The following ARHGAP17 variants were observed in gnomAD, a reference collection of about 807,000 sequenced individuals.
The protein encoded by ARHGAP17 is Rho GTPase activating protein 17.
In ARHGAP17, 57 loss-of-function variants were observed where a neutral mutation model predicts 99.5. The ratio of observed to expected loss-of-function variants is 0.57; its 90% CI spans 0.46 to 0.71. The LOEUF is 0.71. ARHGAP17 is among the 30% of genes least tolerant of loss of function. The pLI, the probability that ARHGAP17 is intolerant of heterozygous loss-of-function variation, is 0.00. For missense variants in ARHGAP17, 1,000 were observed against 1,122.4 expected (o/e 0.89, Z 1.56); for synonymous variants, 417 against 429.6 (o/e 0.97, Z 0.36).
intron 19 of ARHGAP17, among the ~76,000 whole-genome samples, chr16:24,923,491 G>A (rs893003318): frequency 1.5e-4 from 23 of 152,082 alleles, no homozygotes; most frequent in African/African-American, 5.3e-4. Context: ...TAGGCTGGGC[G>A]TGGTGGGATG....
chr16:24,977,246 C>T lies in ARHGAP17; in HGVS notation c.167G>A (p.Gly56Asp), dbSNP rs1192333775. 4 of 1,594,724 alleles carry T rather than the reference C, an allele frequency of 2.5e-6. No homozygotes were observed. In the Admixed American group the frequency reaches 6.8e-5, roughly 27 times the overall value. ...SHKRLVACFQGQHGTDAERRH... is the reference protein window; with the variant it reads ...SHKRLVACFQDQHGTDAERRH... ...CCTCTCGGCATCGGTGCCATGCTGG[C>T]CCTGGAAACATGCCACCAAGCGCTT... The change falls in exon 3 of 20, where the codon GGC becomes GAC. Residue 56 changes from glycine (G) to aspartate (D), a missense_variant. Transcript: ENST00000289968.
At chr16:25,012,419 C>T (rs181400607) in intron 1 of ARHGAP17, among the ~76,000 whole-genome samples, 19 of 152,344 alleles carry the variant, frequency 1.2e-4, no homozygotes, top group Non-Finnish European at 2.1e-4. Context: ...AAGACACCAC[C>T]TAGAATTCCA....
intron 1 of ARHGAP17, among the ~76,000 whole-genome samples, chr16:25,001,257 T>A (rs990043121): frequency 6.7e-6 from 1 of 149,954 alleles, no homozygotes; most frequent in African/African-American, 2.5e-5. Flanking sequence ...TATTCTCAAT[T>A]TAAAAAACAA....
At chr16:25,003,131 A>G (rs1260765876) in intron 1 of ARHGAP17, among the ~76,000 whole-genome samples, 1 of 151,576 alleles carries the variant, frequency 6.6e-6, no homozygotes, top group African/African-American at 2.4e-5. Context: ...GTGAGAAATG[A>G]TACTTGATAT....
intron 1 of ARHGAP17, among the ~76,000 whole-genome samples, chr16:24,983,648 A>G (rs557308152): frequency 1.3e-5 from 2 of 152,154 alleles, no homozygotes; most frequent in South Asian, 4.1e-4. Flanking sequence ...CTTTTTGTAT[A>G]TGGGTTTTTT....
chr16:24,957,883 G>A (rs901188766), intron 9 of ARHGAP17, among the ~76,000 whole-genome samples: 1 of 152,200 alleles, frequency 6.6e-6, no homozygotes. Context: ...CAGAGTCCAC[G>A]GAGGTGAGGG....
chr16:24,934,482 C>A (rs1002758144), intron 18 of ARHGAP17, among the ~76,000 whole-genome samples: 2 of 151,760 alleles, frequency 1.3e-5, no homozygotes, highest in Admixed American at 1.3e-4. Flanking sequence ...GAGATGGGGT[C>A]TCACTCTGTT....
At chr16:24,972,032 T>C (rs1207894562) in intron 3 of ARHGAP17, among the ~76,000 whole-genome samples, 6 of 152,238 alleles carry the variant, frequency 3.9e-5, no homozygotes, top group East Asian at 1.9e-4. Context: ...CAGCATCCCA[T>C]GTAATTTCAC....
At chr16:24,957,653 T>G (rs1213490000) in intron 9 of ARHGAP17, 2 of 152,166 alleles carry the variant, frequency 1.3e-5, no homozygotes, top group Non-Finnish European at 2.9e-5. Flanking sequence ...AACTGCAGTA[T>G]GTTTTGCTCT....
intron 4 of ARHGAP17, 38 bp from the exon 5 acceptor site, chr16:24,968,810 A>T (rs1237419553): frequency 3.8e-6 from 6 of 1,593,724 alleles, no homozygotes; most frequent in Non-Finnish European, 5.2e-6. Flanking sequence ...GCACGTGCTC[A>T]TTAAATCAGG....
At chr16:24,931,529 G>A in intron 18 of ARHGAP17, 125 bp from the exon 19 acceptor site, 1 of 1,009,850 alleles carries the variant, frequency 9.9e-7, no homozygotes, top group Non-Finnish European at 1.3e-6. Context: ...TCTGATGAGA[G>A]GTGGTCAGGA....
chr16:24,959,721 T>C lies in ARHGAP17; in HGVS notation c.674A>G (p.Lys225Arg). ...LLEAQADYHR[K>R]ALAVLEKTLP... The stretch of plus-strand genomic sequence containing the variant: ...GGTCTTTTCTAAGACTGCTAATGCT[T>C]TTCTATGGTAATCTGCTTGGGCTTC... The change falls in exon 9 of 20, where the codon AAA (lysine) becomes AGA (arginine). Residue 225 changes from lysine to arginine, a missense_variant. Physicochemically the swap from Lys to Arg is conservative, Grantham distance 26. Coordinates refer to ENST00000289968, the MANE Select transcript of ARHGAP17 (RefSeq NM_001006634.3). 6.2e-7 allele frequency: 1 copy of C among 1,614,114 alleles called. No homozygotes were observed. Among genetic ancestry groups the C allele is most frequent in the Non-Finnish European group, 8.5e-7 (1 of 1,180,034 alleles).
At chr16:24,962,220 A>G (rs542034871) in intron 7 of ARHGAP17, among the ~76,000 whole-genome samples, 5 of 152,302 alleles carry the variant, frequency 3.3e-5, no homozygotes, top group Admixed American at 1.3e-4. Flanking sequence ...CTAAGCATCA[A>G]TGGAAGCTGG....
Position 24,968,604 on chromosome 16 carries a change from TCA to T in ARHGAP17, c.384+55_384+56del. On this transcript the variant is annotated intron_variant, in intron 5 of 19. Coordinates refer to ENST00000289968, the MANE Select transcript of ARHGAP17 (RefSeq NM_001006634.3). ...GCAACTACTGTTAAAATTTTAACACTCACTGTCCAGCCCACACCACTCTCGGC... is the reference window on the plus strand; with the variant it reads ...GCAACTACTGTTAAAATTTTAACACTCTGTCCAGCCCACACCACTCTCGGC... 4 of 1,582,434 alleles carry T rather than the reference TCA, an allele frequency of 2.5e-6. No individual in the cohort carries two copies. In the South Asian group the frequency reaches 4.4e-5, roughly 18 times the overall value.
chr16:24,984,244 TGTG>T (rs2052787802), intron 1 of ARHGAP17, among the ~76,000 whole-genome samples: 1 of 152,188 alleles, frequency 6.6e-6, no homozygotes, highest in Non-Finnish European at 1.5e-5. Context: ...CAATGCAGGC[TGTG>T]GTCTTCCAAA....
In ARHGAP17 at chr16:24,977,233, G is replaced by A. The variant is rs543817759; in HGVS notation, c.180C>T (p.Thr60=). 7.2e-5 allele frequency: 114 copies of A among 1,583,594 alleles called. 1 individual carries two copies. In the South Asian group the frequency reaches 1.0e-3, roughly 15 times the overall value. The part of the protein sequence containing the change: ...LVACFQGQHG[T]DAERRHKKLP... Reference sequence around the variant, plus strand: ...TACTCACGTGTCTCCTCTCGGCATCGGTGCCATGCTGGCCCTGGAAACATG... The same window carrying A: ...TACTCACGTGTCTCCTCTCGGCATCAGTGCCATGCTGGCCCTGGAAACATG... The change falls in exon 3 of 20, where the codon ACC becomes ACT. Residue 60 remains threonine, a synonymous_variant. Transcript: ENST00000289968.
chr16:24,989,491 C>T (rs2141419065), intron 1 of ARHGAP17, among the ~76,000 whole-genome samples: 1 of 152,098 alleles, frequency 6.6e-6, no homozygotes, highest in South Asian at 2.1e-4. Context: ...ACATGACAGT[C>T]CTGGAGGCTC....
intron 1 of ARHGAP17, among the ~76,000 whole-genome samples, chr16:24,996,821 C>A (rs959874427): frequency 6.6e-6 from 1 of 151,858 alleles, no homozygotes; most frequent in African/African-American, 2.4e-5. Context: ...CATGGTGGCT[C>A]ACACCTGTAA....
In ARHGAP17 at chr16:24,931,259, C is replaced by T; in HGVS notation, c.2040G>A (p.Gln680=). 7.0e-7 allele frequency: 1 copy of T among 1,433,682 alleles called. No individual in the cohort carries two copies. Among genetic ancestry groups the T allele is most frequent in the Non-Finnish European group, 9.3e-7 (1 of 1,080,138 alleles). 88.8% of individuals were successfully genotyped at this position (1,433,682 alleles called of 1,614,324 possible). ...GCTGGCCTGGAGGCTGGCCCGTGTG[C>T]TGGGTGGGAGGAGAGGGGCTTCGGG... ...PPTRSPSPPT[Q]HTGQPPGQPS... is the part of the protein sequence containing the mutation. Residue 680 remains glutamine, a synonymous_variant, in exon 19 of 20, where the codon CAG becomes CAA. Coordinates refer to ENST00000289968, the MANE Select transcript of ARHGAP17 (RefSeq NM_001006634.3).
Sources: gnomAD v4.1 joint callset for allele counts (sites outside exome capture counted in the v4.1 genomes callset) on GRCh38, gnomAD v4.1.1 for gene constraint, MANE v1.5 for transcripts, NCBI Gene and HGNC (gene_info 2026-07-23, HGNC 2026-07-21) for gene names.